ADGRV1: variants seen among roughly 807,000 people sequenced by gnomAD.
The protein encoded by ADGRV1 is G-protein coupled receptor 98.
In ADGRV1, 359 loss-of-function variants were observed where a neutral mutation model predicts 596.2. The observed-to-expected ratio is 0.60, with a 90% CI of 0.55 to 0.66. The LOEUF (loss-of-function observed/expected upper bound fraction) is 0.66, where lower values mean the gene tolerates loss of function less well. Among genes scored for constraint, ADGRV1 ranks in the 30% least tolerant of loss-of-function variants. The probability of loss-of-function intolerance (pLI) is 0.00; values close to 1 mark genes in which losing one functional copy is unlikely to be tolerated. For synonymous variants in ADGRV1, 2,681 were observed against 2,679.2 expected (o/e 1.00, Z -0.02); for missense variants, 7,274 against 7,575.6 (o/e 0.96, Z 1.48).
intron 78 of ADGRV1, among the ~76,000 whole-genome samples, chr5:90,843,721 C>T (rs1259872372): frequency 6.6e-6 from 1 of 152,094 alleles, no homozygotes; most frequent in African/African-American, 2.4e-5. Context: ...AGTGAAAACA[C>T]AACTAATGAG....
chr5:90,976,085 T>A (rs1039990792), intron 84 of ADGRV1, among the ~76,000 whole-genome samples: 1 of 151,634 alleles, frequency 6.6e-6, no homozygotes, highest in Non-Finnish European at 1.5e-5. Flanking sequence ...CATTCTTTGC[T>A]CTACCCTCAA....
chr5:91,071,244 G>A (rs189897964), intron 85 of ADGRV1, among the ~76,000 whole-genome samples: 2 of 152,320 alleles, frequency 1.3e-5, no homozygotes, highest in African/African-American at 4.8e-5. Context: ...GGCCAGAGAG[G>A]TCAAGAGAGG....
At chr5:90,761,345 A>G (rs1402196067) in intron 58 of ADGRV1, among the ~76,000 whole-genome samples, 3 of 152,242 alleles carry the variant, frequency 2.0e-5, no homozygotes, top group African/African-American at 4.8e-5. Context: ...TGGATTGGCA[A>G]AAGAGTAACT....
chr5:90,595,106 G>A (rs1760116592), intron 1 of ADGRV1, among the ~76,000 whole-genome samples: 1 of 136,342 alleles, frequency 7.3e-6, no homozygotes, highest in African/African-American at 3.0e-5. Flanking sequence ...AGCTGGCCGG[G>A]CGGGGGGCTG....
intron 9 of ADGRV1, among the ~76,000 whole-genome samples, chr5:90,630,991 T>C (rs768167506): frequency 2.0e-5 from 3 of 152,216 alleles, no homozygotes; most frequent in Admixed American, 6.5e-5. Context: ...TTTGTTGTAG[T>C]ATATCTACCC....
At chr5:91,119,807 A>C (rs1582115793) in intron 87 of ADGRV1, among the ~76,000 whole-genome samples, 1 of 152,320 alleles carries the variant, frequency 6.6e-6, no homozygotes. Flanking sequence ...TGGCTCAATT[A>C]TAGAAGTTAT....
chr5:90,613,288 T>A (rs553469429), intron 1 of ADGRV1, among the ~76,000 whole-genome samples: 1 of 152,244 alleles, frequency 6.6e-6, no homozygotes, highest in East Asian at 1.9e-4. Flanking sequence ...TGTGCTCTCT[T>A]CATTGTACCT....
intron 84 of ADGRV1, among the ~76,000 whole-genome samples, chr5:90,967,457 G>A (rs926479319): frequency 2.0e-5 from 3 of 152,110 alleles, no homozygotes; most frequent in South Asian, 2.1e-4. Flanking sequence ...TAACATTTGC[G>A]AGATTTTCTG....
chr5:90,925,316 G>A (rs951289862), intron 83 of ADGRV1, among the ~76,000 whole-genome samples: 3 of 150,700 alleles, frequency 2.0e-5, no homozygotes, highest in Non-Finnish European at 4.4e-5. Context: ...TTGAGCAGTG[G>A]TTTGTAGTTC....
chr5:91,085,051 G>A (rs1197665192), intron 86 of ADGRV1, among the ~76,000 whole-genome samples: 1 of 152,122 alleles, frequency 6.6e-6, no homozygotes, highest in East Asian at 1.9e-4. Context: ...GACACAGGGT[G>A]GGGAACATCA....
intron 83 of ADGRV1, among the ~76,000 whole-genome samples, chr5:90,885,275 A>G (rs1770169529): frequency 6.6e-6 from 1 of 152,186 alleles, no homozygotes; most frequent in South Asian, 2.1e-4. Context: ...GAAGCAATTA[A>G]TAATCTCTTG....
rs903299868 is a variant in ADGRV1, at chr5:91,056,036, G to A, written c.18153-16411G>A. Reference sequence around the variant, plus strand: ...AGCATTTTCCCTGCAAAAAGTTGTCGAGATGCTTGAAGAAATGGTAGTCGG... The same window carrying A: ...AGCATTTTCCCTGCAAAAAGTTGTCAAGATGCTTGAAGAAATGGTAGTCGG... On this transcript the variant is annotated intron_variant, in intron 85 of 89. Transcript: ENST00000405460. Among the ~76,000 whole-genome samples, 7 of 152,260 alleles carry A rather than the reference G, an allele frequency of 4.6e-5. No individual in the cohort carries two copies. The East Asian group carries it at 7.7e-4, about 17-fold the overall frequency.
At chr5:90,811,804 T>C (rs1385331863) in intron 74 of ADGRV1, among the ~76,000 whole-genome samples, 1 of 152,050 alleles carries the variant, frequency 6.6e-6, no homozygotes, top group African/African-American at 2.4e-5. Flanking sequence ...GTAGTTGATA[T>C]AGCCATCATA....
In ADGRV1 at chr5:90,706,247, A is replaced by G. The variant is rs373805499; in HGVS notation, c.8583A>G (p.Thr2861=). 4 of 1,611,264 alleles carry G rather than the reference A, an allele frequency of 2.5e-6. No homozygotes were observed. Among genetic ancestry groups the G allele is most frequent in the African/African-American group, 2.7e-5 (2 of 74,802 alleles). ...TTCAATTAGGAGCTATCAATGTCAC[A>G]TATACCACGGTTCCTGGAATGCTGA... The part of the protein sequence containing the change: ...EFGSLGAINV[T]YTTVPGMLSL... The change falls in exon 38 of 90, where the codon ACA becomes ACG. Residue 2861 remains threonine (T), a synonymous_variant. Transcript: ENST00000405460.
chr5:90,711,550 G>T (rs1392380295), intron 41 of ADGRV1, among the ~76,000 whole-genome samples: 1 of 151,958 alleles, frequency 6.6e-6, no homozygotes, highest in African/African-American at 2.4e-5. Flanking sequence ...TATTCTGTAT[G>T]CATTAACTAT....
At chr5:90,573,888 A>G (rs1756866266) in intron 1 of ADGRV1, among the ~76,000 whole-genome samples, 1 of 152,084 alleles carries the variant, frequency 6.6e-6, no homozygotes, top group African/African-American at 2.4e-5. Flanking sequence ...TTATACCAAC[A>G]CCATTTATTG....
chr5:90,810,460 A>T lies in ADGRV1; in HGVS notation c.15200A>T (p.Lys5067Ile). The T allele has an allele frequency of 6.2e-7, 1 of 1,613,910 alleles. No homozygotes were observed. ...PVQNGELFFQ[K>I]FQTEVDFEIT... ...CAGAATGGGGAACTGTTTTTTCAAAAATTCCAAACTGAGGTTGATTTTGAA... is the reference window on the plus strand; with the variant it reads ...CAGAATGGGGAACTGTTTTTTCAAATATTCCAAACTGAGGTTGATTTTGAA... The change falls in exon 74 of 90, where the codon AAA (lysine) becomes ATA (isoleucine). Residue 5067 changes from lysine (K) to isoleucine (I), a missense_variant. Coordinates refer to ENST00000405460, the MANE Select transcript of ADGRV1 (RefSeq NM_032119.4).
At chr5:90,650,089 G>A (rs181765037) in intron 17 of ADGRV1, among the ~76,000 whole-genome samples, 8 of 152,136 alleles carry the variant, frequency 5.3e-5, no homozygotes, top group South Asian at 2.1e-4. Flanking sequence ...CCTCCTTTTC[G>A]ATGTCAAAAC....
chr5:90,828,154 A>C (rs1764217651), intron 76 of ADGRV1, among the ~76,000 whole-genome samples: 1 of 152,198 alleles, frequency 6.6e-6, no homozygotes, highest in South Asian at 2.1e-4. Context: ...GTTGAGAAGG[A>C]ACCAAGGTGA....
Sources: allele counts gnomAD v4.1 joint callset (sites outside exome capture counted in the v4.1 genomes callset), GRCh38; gene constraint gnomAD v4.1.1; transcripts MANE v1.5; gene names NCBI Gene and HGNC (gene_info 2026-07-23, HGNC 2026-07-21).